Variants in DICER1 observed in about 807,000 individuals in gnomAD.
The protein encoded by DICER1 is dicer 1, ribonuclease III.
Under a neutral mutation model 194.1 loss-of-function variants are expected in DICER1, and 43 were observed. The observed-to-expected ratio is 0.22, with a 90% CI of 0.17 to 0.29. The LOEUF (loss-of-function observed/expected upper bound fraction) is 0.29. Among genes scored for constraint, DICER1 ranks in the 10% least tolerant of loss-of-function variants. The probability of loss-of-function intolerance (pLI) is 1.00; values close to 1 mark genes in which losing one functional copy is unlikely to be tolerated. For missense variants in DICER1, 1,608 were observed against 2,317.0 expected, an observed-to-expected ratio of 0.69 and a Z score of 6.28; for synonymous variants, 832 against 820.5, an observed-to-expected ratio of 1.01 and a Z score of -0.24.
chr14:95,132,336 T>C (rs1595465281), intron 3 of DICER1, among the ~76,000 whole-genome samples, 179 bp downstream of exon 3: 1 of 152,204 alleles, frequency 6.6e-6, no homozygotes, highest in Admixed American at 6.5e-5. Context: ...AAGCAGAACA[T>C]TTAAGAGAAA....
intron 1 of DICER1, chr14:95,140,586 G>A (rs548577207): frequency 6.6e-6 from 1 of 152,290 alleles, no homozygotes; most frequent in Admixed American, 6.5e-5. Flanking sequence ...ATGCATGACT[G>A]TAATTTAGCA....
chr14:95,136,556 G>A (rs923133769), intron 1 of DICER1: 4 of 152,084 alleles, frequency 2.6e-5, no homozygotes, highest in African/African-American at 9.7e-5. Context: ...TGCTGCCTAG[G>A]CTCTAGTTTC....
chr14:95,150,320 C>T (rs1272225026), intron 1 of DICER1, among the ~76,000 whole-genome samples: 1 of 152,080 alleles, frequency 6.6e-6, no homozygotes, highest in African/African-American at 2.4e-5. Flanking sequence ...CCCGTCTCCA[C>T]TTAAAAAATA....
chr14:95,117,000 A>G (rs1208615794), intron 9 of DICER1, among the ~76,000 whole-genome samples: 8 of 152,236 alleles, frequency 5.3e-5, no homozygotes, highest in Non-Finnish European at 1.0e-4. Flanking sequence ...TTTGGAAATT[A>G]TCAAAAAGCT....
chr14:95,112,912 T>G (rs1892101763), intron 12 of DICER1, among the ~76,000 whole-genome samples, 180 bp downstream of exon 12: 1 of 152,220 alleles, frequency 6.6e-6, no homozygotes, highest in South Asian at 2.1e-4. Context: ...TCTATAAATC[T>G]ACTTTTGAAA....
chr14:95,117,103 TG>T (rs1396900581), intron 9 of DICER1, among the ~76,000 whole-genome samples: 2 of 152,174 alleles, frequency 1.3e-5, no homozygotes, highest in African/African-American at 4.8e-5. Context: ...AGCCAGACCA[TG>T]GTATTAGTTT....
chr14:95,139,883 A>G (rs1213340435), intron 1 of DICER1, among the ~76,000 whole-genome samples: 6 of 152,242 alleles, frequency 3.9e-5, no homozygotes, highest in Non-Finnish European at 5.9e-5. Context: ...TTAGTGGACA[A>G]TAACTGGCCC....
rs2139960635 is a variant in DICER1 at position 95,103,649 on chromosome 14, T to C, written c.3747A>G (p.Lys1249=). 6.2e-7 allele frequency: 1 copy of C among 1,614,154 alleles called. No individual in the cohort carries two copies. Among genetic ancestry groups the C allele is most frequent in the Non-Finnish European group, 8.5e-7 (1 of 1,180,018 alleles). ...SNKYLDGNAN[K]STSDGSPVMA... The stretch of plus-strand genomic sequence containing the variant: ...TCACAGGACTTCCATCTGAGGTAGA[T>C]TTGTTAGCATTTCCATCAAGGTATT... The change falls in exon 21 of 27, where the codon AAA becomes AAG. Residue 1249 remains lysine, a synonymous_variant. Coordinates refer to ENST00000343455, the MANE Select transcript of DICER1 (RefSeq NM_177438.3).
intron 4 of DICER1, among the ~76,000 whole-genome samples, chr14:95,130,471 C>A (rs555381350): frequency 1.6e-4 from 25 of 152,324 alleles, no homozygotes; most frequent in Non-Finnish European, 3.1e-4. Context: ...TCCCCACAGC[C>A]ATATTATGAC....
chr14:95,138,547 T>A (rs1290150303), intron 1 of DICER1, among the ~76,000 whole-genome samples: 1 of 152,060 alleles, frequency 6.6e-6, no homozygotes, highest in Non-Finnish European at 1.5e-5. Flanking sequence ...TGGAATTCAT[T>A]AAAAAGTTGA....
intron 24 of DICER1, among the ~76,000 whole-genome samples, chr14:95,092,359 TTTC>T (rs1002001560): frequency 6.6e-5 from 10 of 152,240 alleles, no homozygotes; most frequent in Non-Finnish European, 1.0e-4. Context: ...TTTAACTAAT[TTTC>T]TTCTTATTTA....
rs1383145692 is a variant in DICER1 at position 95,116,523 on chromosome 14, A to G, written c.1682T>C (p.Ile561Thr). 2 of 1,613,988 alleles carry G rather than the reference A, an allele frequency of 1.2e-6. No homozygotes were observed. Among genetic ancestry groups the G allele is most frequent in the Non-Finnish European group, 1.7e-6 (2 of 1,179,888 alleles). ...GRARAPISNY[I>T]MLADTDKIKS... is the part of the protein sequence containing the mutation. Reference sequence around the variant, plus strand: ...TATTTTGTCTGTATCCGCTAACATTATATAATTAGAGATGGGTGCCCTTGC... The same window carrying G: ...TATTTTGTCTGTATCCGCTAACATTGTATAATTAGAGATGGGTGCCCTTGC... The change falls in exon 10 of 27, where the codon ATA becomes ACA. Residue 561 changes from isoleucine to threonine, a missense_variant. Physicochemically the swap from Ile to Thr is moderately conservative, Grantham distance 89. Transcript: ENST00000343455.
intron 24 of DICER1, among the ~76,000 whole-genome samples, chr14:95,092,990 T>C (rs563314071): frequency 1.9e-4 from 29 of 152,330 alleles, no homozygotes; most frequent in African/African-American, 5.8e-4. Context: ...AGTGCACATC[T>C]GGGCAGCTGG....
At position 95,103,788 on chromosome 14, in the gene DICER1, T is replaced by C; in HGVS notation, c.3608A>G (p.Asn1203Ser). 6.2e-7 allele frequency: 1 copy of C among 1,614,176 alleles called. No individual in the cohort carries two copies. Among genetic ancestry groups the C allele is most frequent in the South Asian group, 1.1e-5 (1 of 91,076 alleles). ...NRDFCQGNQL[N>S]YYKQEIPVQP... ...CACGGGTATTTCCTGCTTGTAGTAA[T>C]TTAGCTGATTTCCTTGGCAAAAGTC... is the stretch of plus-strand genomic sequence containing the variant. Residue 1203 changes from asparagine to serine, a missense_variant, in exon 21 of 27, where the codon AAT becomes AGT. Coordinates refer to ENST00000343455, the MANE Select transcript of DICER1 (RefSeq NM_177438.3).
intron 1 of DICER1, among the ~76,000 whole-genome samples, chr14:95,138,393 A>G (rs1376918830): frequency 1.3e-5 from 2 of 152,108 alleles, no homozygotes; most frequent in Non-Finnish European, 1.5e-5. Context: ...AAGAGAAAAT[A>G]GATACATTAT....
At chr14:95,094,655 G>C (rs1890150022) in intron 23 of DICER1, among the ~76,000 whole-genome samples, 1 of 152,098 alleles carries the variant, frequency 6.6e-6, no homozygotes, top group Non-Finnish European at 1.5e-5. Flanking sequence ...GGCTATTTTT[G>C]TTACACAGGA....
At chr14:95,128,206 T>C (rs1241681463) in intron 6 of DICER1, among the ~76,000 whole-genome samples, 2 of 152,224 alleles carry the variant, frequency 1.3e-5, no homozygotes, top group Admixed American at 6.5e-5. Context: ...ACATATATAC[T>C]ATAGTTCTTT....
intron 11 of DICER1, 124 bp downstream of exon 11, chr14:95,115,542 CG>C: frequency 9.4e-7 from 1 of 1,067,668 alleles, no homozygotes. Context: ...TTTTCTTTAT[CG>C]AAAATATGGC....
rs1891945229 is a variant in DICER1, at chr14:95,111,386, A to T, written c.2187T>A (p.His729Gln). ...CTGGAACACTGGTCTCTTCTTCATC[A>T]TGCAAATCAAGCTCCTCTTCATATT... ...TVKYEEELDL[H>Q]DEEETSVPGR... Residue 729 changes from histidine (H) to glutamine (Q), a missense_variant, in exon 14 of 27, where the codon CAT becomes CAA. Physicochemically the swap from His to Gln is conservative, Grantham distance 24. Transcript: ENST00000343455. 2.5e-6 allele frequency: 4 copies of T among 1,614,170 alleles called. No homozygotes were observed. Among genetic ancestry groups the T allele is most frequent in the Non-Finnish European group, 3.4e-6 (4 of 1,180,014 alleles).
Sources: allele counts gnomAD v4.1 joint callset (sites outside exome capture counted in the v4.1 genomes callset), GRCh38; gene constraint gnomAD v4.1.1; transcripts MANE v1.5; gene names NCBI Gene and HGNC (gene_info 2026-07-23, HGNC 2026-07-21).